Variants in GRID2 observed in about 807,000 individuals in gnomAD.
The protein encoded by GRID2 is glutamate ionotropic receptor delta type subunit 2.
GRID2 carries 33 observed loss-of-function variants against 114.8 expected under a neutral mutation model. The observed-to-expected ratio is 0.29, with a 90% confidence interval of 0.22 to 0.38. The LOEUF (loss-of-function observed/expected upper bound fraction) is 0.38, where lower values mean the gene tolerates loss of function less well. Ranked by LOEUF, GRID2 falls within the 10% of genes least tolerant of loss-of-function variation. The pLI, the probability that GRID2 is intolerant of heterozygous loss-of-function variation, is 1.00. For missense variants in GRID2, 1,184 were observed against 1,257.7 expected, an observed-to-expected ratio of 0.94 and a Z score of 0.89; for synonymous variants, 505 against 449.9, an observed-to-expected ratio of 1.12 and a Z score of -1.55.
chr4:93,175,334 A>C lies in GRID2; in HGVS notation c.736-32070A>C, dbSNP rs138758518. ...TAGAGGCATGTACCACCATGCCCAG[A>C]TAATTTTTGTATTTTTAGTACAGAC... On this transcript the variant is annotated intron_variant, in intron 4 of 15. Coordinates refer to ENST00000282020, the MANE Select transcript of GRID2 (RefSeq NM_001510.4). Among the ~76,000 whole-genome samples, 814 of 152,002 alleles carry C rather than the reference A, an allele frequency of 5.4e-3. 9 individuals carry two copies. The highest frequency in any genetic ancestry group is 0.019 in the African/African-American group (779 of 41,474).
At chr4:93,300,008 A>G (rs1056805457) in intron 8 of GRID2, among the ~76,000 whole-genome samples, 7 of 152,224 alleles carry the variant, frequency 4.6e-5, no homozygotes, top group Admixed American at 1.3e-4. Context: ...TAGTATTTGC[A>G]TATAACCTAC....
chr4:92,468,348 TG>T (rs1233889056), intron 1 of GRID2, among the ~76,000 whole-genome samples: 2 of 151,784 alleles, frequency 1.3e-5, no homozygotes, highest in Non-Finnish European at 2.9e-5. Flanking sequence ...TAGTAGAAAG[TG>T]GCAGAACTGG....
At chr4:92,779,202 G>T (rs1560587209) in intron 2 of GRID2, among the ~76,000 whole-genome samples, 1 of 151,426 alleles carries the variant, frequency 6.6e-6, no homozygotes, top group Admixed American at 6.6e-5. Flanking sequence ...GTGTGTGTGT[G>T]TGTGTGTATG....
chr4:92,506,139 G>A (rs147933689), intron 1 of GRID2, among the ~76,000 whole-genome samples: 1 of 152,054 alleles, frequency 6.6e-6, no homozygotes, highest in Non-Finnish European at 1.5e-5. Flanking sequence ...AGTAGTAACT[G>A]AATTCTAGAA....
At chr4:92,598,734 A>G (rs1329253033) in intron 2 of GRID2, among the ~76,000 whole-genome samples, 1 of 152,182 alleles carries the variant, frequency 6.6e-6, no homozygotes, top group Non-Finnish European at 1.5e-5. Context: ...TGTAATGATT[A>G]TATGGGATTG....
chr4:93,423,051 G>A, intron 10 of GRID2, 83 bp downstream of exon 10: 1 of 895,946 alleles, frequency 1.1e-6, no homozygotes, highest in Non-Finnish European at 1.8e-6. Flanking sequence ...GTAACACCTT[G>A]AAGCTGATTT....
At position 92,947,946 on chromosome 4, in the gene GRID2, G is replaced by T. The variant is rs1051853081; in HGVS notation, c.245-137049G>T. Among the ~76,000 whole-genome samples the T allele has an allele frequency of 2.6e-5, 4 of 151,738 alleles. No homozygotes were observed. The South Asian group carries it at 8.3e-4, about 31-fold the overall frequency. ...TACATTATACTATCAGCATTTTTAT[G>T]CCATCAAATATGCTTCTGAAAAATT... is the stretch of plus-strand genomic sequence containing the variant. On this transcript the variant is annotated intron_variant, in intron 2 of 15. Transcript: ENST00000282020.
At chr4:93,619,109 A>T (rs913525088) in intron 13 of GRID2, among the ~76,000 whole-genome samples, 7 of 152,196 alleles carry the variant, frequency 4.6e-5, no homozygotes, top group Non-Finnish European at 1.0e-4. Context: ...TTTGTGCCCT[A>T]TGATAACTAT....
At chr4:92,427,161 G>T (rs1483209409) in intron 1 of GRID2, among the ~76,000 whole-genome samples, 1 of 152,142 alleles carries the variant, frequency 6.6e-6, no homozygotes, top group Non-Finnish European at 1.5e-5. Context: ...TCAGAAGGAT[G>T]CTCCAAATAA....
chr4:92,713,687 C>T (rs1034203740), intron 2 of GRID2, among the ~76,000 whole-genome samples: 1 of 151,448 alleles, frequency 6.6e-6, no homozygotes, highest in African/African-American at 2.4e-5. Context: ...GTGAAAGGCA[C>T]ATTTCATGTG....
At chr4:93,126,798 C>T (rs1248869397) in intron 4 of GRID2, among the ~76,000 whole-genome samples, 3 of 151,216 alleles carry the variant, frequency 2.0e-5, no homozygotes, top group Admixed American at 2.0e-4. Flanking sequence ...GGGGTTTCAC[C>T]GTGTTAGCCA....
intron 4 of GRID2, chr4:93,164,774 G>A: frequency 2.4e-6 from 1 of 417,984 alleles, no homozygotes; most frequent in Non-Finnish European, 5.0e-6. Flanking sequence ...AAGAATGTGA[G>A]TGATTTTTGT....
At chr4:92,621,875 AAC>A (rs935054103) in intron 2 of GRID2, among the ~76,000 whole-genome samples, 11 of 151,982 alleles carry the variant, frequency 7.2e-5, no homozygotes, top group African/African-American at 2.4e-4. Context: ...TGAAACATGA[AAC>A]ACACAGAAAT....
At position 92,386,400 on chromosome 4, in the gene GRID2, C is replaced by T. The variant is rs141272908; in HGVS notation, c.88+81656C>T. Among the ~76,000 whole-genome samples, 1,028 of 151,708 alleles carry T rather than the reference C, an allele frequency of 6.8e-3. 4 individuals are homozygous for T. The highest frequency in any genetic ancestry group is 0.01 in the Middle Eastern group (3 of 294). On this transcript the variant is annotated intron_variant, in intron 1 of 15. Coordinates refer to ENST00000282020, the MANE Select transcript of GRID2 (RefSeq NM_001510.4). ...AGGGCTGTGCTATTAATTTTAAAGT[C>T]CTAATGTATGGCTGTTAAAAATTAA...
At chr4:93,313,036 G>T (rs1259965224) in intron 8 of GRID2, among the ~76,000 whole-genome samples, 1 of 152,034 alleles carries the variant, frequency 6.6e-6, no homozygotes, top group Non-Finnish European at 1.5e-5. Flanking sequence ...TAGCTACTAA[G>T]ATACACTATG....
intron 1 of GRID2, among the ~76,000 whole-genome samples, chr4:92,565,952 G>A (rs1394373916): frequency 4.6e-5 from 7 of 151,784 alleles, no homozygotes; most frequent in Admixed American, 4.6e-4. Context: ...CTCTCCTCAG[G>A]GTATCACAAA....
intron 2 of GRID2, among the ~76,000 whole-genome samples, chr4:92,619,710 G>T (rs1730175448): frequency 6.6e-6 from 1 of 151,624 alleles, no homozygotes; most frequent in Non-Finnish European, 1.5e-5. Flanking sequence ...CTCTTCTTAT[G>T]TGATGTTCAG....
chr4:93,068,439 A>G (rs1728505462), intron 2 of GRID2, among the ~76,000 whole-genome samples: 1 of 152,052 alleles, frequency 6.6e-6, no homozygotes, highest in South Asian at 2.1e-4. Context: ...TTATGTTATT[A>G]CTGCAGACAG....
intron 8 of GRID2, among the ~76,000 whole-genome samples, chr4:93,386,526 T>C (rs924283262): frequency 6.6e-6 from 1 of 152,168 alleles, no homozygotes; most frequent in Non-Finnish European, 1.5e-5. Flanking sequence ...CAAGCCAAAA[T>C]GAAAGTAACG....
Sources: allele counts gnomAD v4.1 joint callset (sites outside exome capture counted in the v4.1 genomes callset), GRCh38; gene constraint gnomAD v4.1.1; transcripts MANE v1.5; gene names NCBI Gene and HGNC (gene_info 2026-07-23, HGNC 2026-07-21).